The following CNOT6L variants were observed in gnomAD, a reference collection of about 807,000 sequenced individuals.
The protein encoded by CNOT6L is CCR4-NOT transcription complex subunit 6 like.
In CNOT6L, 7 loss-of-function variants were observed where a neutral mutation model predicts 64.0. The ratio of observed to expected loss-of-function variants is 0.11; its 90% CI spans 0.06 to 0.21. CNOT6L has a LOEUF of 0.21. Ranked by LOEUF, CNOT6L falls within the 10% of genes least tolerant of loss-of-function variation. The pLI, the probability that CNOT6L is intolerant of heterozygous loss-of-function variation, is 1.00. For synonymous variants in CNOT6L, 193 were observed against 243.4 expected (o/e 0.79, Z 1.93); for missense variants, 245 against 669.0 (o/e 0.37, Z 6.99).
intron 1 of CNOT6L, among the ~76,000 whole-genome samples, chr4:77,811,212 A>C (rs1732892087): frequency 2.0e-5 from 3 of 152,202 alleles, no homozygotes; most frequent in Non-Finnish European, 4.4e-5. Flanking sequence ...TAAAAGATTA[A>C]GTGCTCTCCA....
intron 2 of CNOT6L, among the ~76,000 whole-genome samples, chr4:77,775,931 T>C (rs1297917543): frequency 6.6e-6 from 1 of 152,310 alleles, no homozygotes; most frequent in South Asian, 2.1e-4. Context: ...TTTCCTTCTT[T>C]GCCGACACTG....
In CNOT6L at chr4:77,799,270, A is replaced by C. The variant is rs1731223824; in HGVS notation, c.5+20034T>G. On this transcript the variant is annotated intron_variant, in intron 1 of 11. Coordinates refer to ENST00000504123, the MANE Select transcript of CNOT6L (RefSeq NM_144571.3). ...CATCAAGTCCCTGTTTCTACAAAAAACAAACTTTGCTGGGAATGGTGGCAC... is the reference window on the plus strand; with the variant it reads ...CATCAAGTCCCTGTTTCTACAAAAACCAAACTTTGCTGGGAATGGTGGCAC... Among the ~76,000 whole-genome samples, 2 of 152,120 alleles carry C rather than the reference A, an allele frequency of 1.3e-5. 1 individual carries two copies. Among genetic ancestry groups the C allele is most frequent in the South Asian group, 4.1e-4 (2 of 4,832 alleles).
At chr4:77,773,584 A>G (rs1018066133) in intron 3 of CNOT6L, among the ~76,000 whole-genome samples, 7 of 152,200 alleles carry the variant, frequency 4.6e-5, no homozygotes, top group Admixed American at 4.6e-4. Flanking sequence ...TCAGGAATAA[A>G]CTGTAATTAG....
intron 1 of CNOT6L, among the ~76,000 whole-genome samples, chr4:77,803,654 A>G (rs1731871399): frequency 6.6e-6 from 1 of 152,218 alleles, no homozygotes; most frequent in Non-Finnish European, 1.5e-5. Flanking sequence ...CTATAATCCC[A>G]TCACTTTGAG....
chr4:77,714,366 T>C lies in CNOT6L; in HGVS notation c.*6065A>G, dbSNP rs531109513. On this transcript the variant is annotated 3_prime_UTR_variant, in exon 12 of 12. Transcript: ENST00000504123. Reference sequence around the variant, plus strand: ...TTGAAAAAAATCACAACAGAAGATATAAATTAATCGATGGTGAATTTGACC... The same window carrying C: ...TTGAAAAAAATCACAACAGAAGATACAAATTAATCGATGGTGAATTTGACC... The C allele has an allele frequency of 2.9e-5, 4 of 139,776 alleles. No homozygotes were observed. Among genetic ancestry groups the C allele is most frequent in the South Asian group, 4.6e-4 (2 of 4,336 alleles). 8.7% of individuals were successfully genotyped at this position (139,776 alleles called of 1,614,324 possible).
intron 4 of CNOT6L, among the ~76,000 whole-genome samples, chr4:77,772,513 G>C (rs1473893353): frequency 1.3e-5 from 2 of 151,482 alleles, no homozygotes; most frequent in Admixed American, 1.3e-4. Context: ...AGAAAGTTCA[G>C]TTTTATAGAA....
chr4:77,819,344 TC>T lies in CNOT6L; in HGVS notation c.-37del, dbSNP rs775588409. On this transcript the variant is annotated 5_prime_UTR_variant, in exon 1 of 12. Transcript: ENST00000504123. ...TGGCCCAGAAGCAACAGCAGCCATT[TC>T]CCCGCGGCAGGGGAAACACACACAC... The T allele has an allele frequency of 5.6e-6, 9 of 1,611,862 alleles. No individual in the cohort carries two copies. The South Asian group carries it at 6.6e-5, about 12-fold the overall frequency.
At chr4:77,801,868 C>A (rs1731626526) in intron 1 of CNOT6L, among the ~76,000 whole-genome samples, 1 of 152,114 alleles carries the variant, frequency 6.6e-6, no homozygotes, top group Non-Finnish European at 1.5e-5. Flanking sequence ...CCACTGTATT[C>A]CAGCCTGGGC....
At chr4:77,816,209 T>C (rs1733556330) in intron 1 of CNOT6L, among the ~76,000 whole-genome samples, 1 of 152,156 alleles carries the variant, frequency 6.6e-6, no homozygotes, top group Non-Finnish European at 1.5e-5. Context: ...TATAGTTCAA[T>C]ATCATCTGTT....
At chr4:77,755,572 C>T (rs998954937) in intron 5 of CNOT6L, among the ~76,000 whole-genome samples, 1 of 152,122 alleles carries the variant, frequency 6.6e-6, no homozygotes, top group African/African-American at 2.4e-5. Context: ...TATACAGCTT[C>T]ATTAAATTGC....
intron 1 of CNOT6L, among the ~76,000 whole-genome samples, chr4:77,799,623 G>A (rs1325424364): frequency 6.9e-6 from 1 of 144,744 alleles, no homozygotes; most frequent in Admixed American, 7.2e-5. Context: ...AGAATTGCCT[G>A]AACTCAGGAG....
intron 1 of CNOT6L, among the ~76,000 whole-genome samples, chr4:77,777,863 C>A (rs1297843334): frequency 6.6e-6 from 1 of 152,164 alleles, no homozygotes; most frequent in African/African-American, 2.4e-5. Flanking sequence ...TATAAGAATG[C>A]AATCAAAGTT....
intron 1 of CNOT6L, among the ~76,000 whole-genome samples, chr4:77,815,099 T>C (rs1388604387): frequency 6.6e-6 from 1 of 152,152 alleles, no homozygotes; most frequent in Non-Finnish European, 1.5e-5. Flanking sequence ...AAATGAGATT[T>C]CCCTCAAAGT....
At chr4:77,748,470 TCTATTC>T in intron 5 of CNOT6L, 86 bp from the exon 6 acceptor site, 1 of 879,498 alleles carries the variant, frequency 1.1e-6, no homozygotes, top group Non-Finnish European at 1.9e-6. Flanking sequence ...ACTTCTGTTT[TCTATTC>T]TGCTGTAACG....
intron 1 of CNOT6L, among the ~76,000 whole-genome samples, chr4:77,800,159 G>A (rs1731353692): frequency 6.6e-6 from 1 of 151,814 alleles, no homozygotes; most frequent in Admixed American, 6.6e-5. Context: ...TTTTCATAAA[G>A]CTAATTACTT....
At chr4:77,801,964 G>A (rs1408868287) in intron 1 of CNOT6L, among the ~76,000 whole-genome samples, 5 of 152,288 alleles carry the variant, frequency 3.3e-5, no homozygotes, top group African/African-American at 9.6e-5. Flanking sequence ...TGACTACCAT[G>A]TTGTAAACAT....
chr4:77,724,759 T>C (rs1307240052), intron 11 of CNOT6L, among the ~76,000 whole-genome samples: 2 of 152,194 alleles, frequency 1.3e-5, no homozygotes, highest in African/African-American at 4.8e-5. Context: ...TCGGGAACTT[T>C]ATCACAGGTT....
chr4:77,743,467 ACT>A, intron 7 of CNOT6L, among the ~76,000 whole-genome samples: 1 of 151,894 alleles, frequency 6.6e-6, no homozygotes, highest in South Asian at 2.1e-4. Context: ...AAAGATTTTT[ACT>A]TTTTTCCCAA....
intron 1 of CNOT6L, among the ~76,000 whole-genome samples, chr4:77,812,663 T>C (rs1733091796): frequency 6.6e-6 from 1 of 152,068 alleles, no homozygotes; most frequent in Non-Finnish European, 1.5e-5. Context: ...TGAAACACTG[T>C]TGACACTTAA....
Sources: gnomAD v4.1 joint callset for allele counts (sites outside exome capture counted in the v4.1 genomes callset) on GRCh38, gnomAD v4.1.1 for gene constraint, MANE v1.5 for transcripts, NCBI Gene and HGNC (gene_info 2026-07-23, HGNC 2026-07-21) for gene names.